The following CDH18 variants were observed in gnomAD, a reference collection of about 807,000 sequenced individuals.
The protein encoded by CDH18 is cadherin 18.
CDH18 carries 31 observed loss-of-function variants against 67.9 expected under a neutral mutation model. The observed-to-expected ratio is 0.46, with a 90% CI of 0.34 to 0.62. CDH18 has a LOEUF of 0.62. Among genes scored for constraint, CDH18 ranks in the 20% least tolerant of loss-of-function variants. The probability of loss-of-function intolerance (pLI) is 0.01; values close to 1 mark genes in which losing one functional copy is unlikely to be tolerated. For synonymous variants in CDH18, 362 were observed against 347.2 expected (o/e 1.04, Z -0.48); for missense variants, 890 against 975.5 (o/e 0.91, Z 1.17).
At chr5:19,808,524 G>A (rs1778277314) in intron 3 of CDH18, among the ~76,000 whole-genome samples, 1 of 152,022 alleles carries the variant, frequency 6.6e-6, no homozygotes, top group South Asian at 2.1e-4. Flanking sequence ...GTAAATACCT[G>A]TTGAAATACA....
intron 1 of CDH18, among the ~76,000 whole-genome samples, chr5:20,449,542 G>C (rs568349859): frequency 6.6e-6 from 1 of 151,898 alleles, no homozygotes; most frequent in East Asian, 1.9e-4. Flanking sequence ...AACTGGTCTA[G>C]GTCATGTTTT....
chr5:20,544,403 A>C (rs1036740246), intron 1 of CDH18, among the ~76,000 whole-genome samples: 3 of 152,172 alleles, frequency 2.0e-5, no homozygotes, highest in African/African-American at 4.8e-5. Flanking sequence ...TATATATCAT[A>C]TTAATCTGTT....
intron 1 of CDH18, among the ~76,000 whole-genome samples, chr5:20,275,268 T>A (rs1745722349): frequency 6.6e-6 from 1 of 151,974 alleles, no homozygotes; most frequent in Non-Finnish European, 1.5e-5. Context: ...CTTGTGATAG[T>A]GAGTGAGTTC....
Position 19,960,586 on chromosome 5 carries a change from T to TATATATACACACACAC in CDH18, c.-257+20473_-257+20474insGTGTGTGTGTATATAT, listed in dbSNP as rs1357426735. On this transcript the variant is annotated intron_variant, in intron 2 of 12. Coordinates refer to ENST00000382275, the MANE Select transcript of CDH18 (RefSeq NM_004934.5). ...ATGTGTGTGTGTGTGTGTGTGTGTG[T>TATATATACACACACAC]GTGTATATATATATATACACACACG... Among the ~76,000 whole-genome samples the TATATATACACACACAC allele has an allele frequency of 1.7e-3, 222 of 132,750 alleles. 16 individuals carry two copies. Among genetic ancestry groups the TATATATACACACACAC allele is most frequent in the African/African-American group, 7.3e-3 (212 of 29,064 alleles). The allele number at this position is 132,750 out of a possible 152,430, so 87.1% of individuals were successfully genotyped here.
intron 2 of CDH18, among the ~76,000 whole-genome samples, chr5:19,941,957 C>A (rs1794869166): frequency 6.6e-6 from 1 of 152,080 alleles, no homozygotes; most frequent in African/African-American, 2.4e-5. Context: ...CATTTCATTG[C>A]ACACTACTGT....
At chr5:19,714,781 A>T (rs781452670) in intron 5 of CDH18, among the ~76,000 whole-genome samples, 3 of 152,044 alleles carry the variant, frequency 2.0e-5, no homozygotes, top group Non-Finnish European at 2.9e-5. Flanking sequence ...TGACGGAAAC[A>T]ATATATATTG....
At chr5:19,988,746 G>C (rs958322801), upstream of CDH18, among the ~76,000 whole-genome samples, 1 of 152,108 alleles carries the variant, frequency 6.6e-6, no homozygotes, top group Non-Finnish European at 1.5e-5. Context: ...AGTCGTCACA[G>C]CCTGCTAAAC....
chr5:19,535,896 A>C (rs1749340773), intron 9 of CDH18, among the ~76,000 whole-genome samples: 1 of 152,206 alleles, frequency 6.6e-6, no homozygotes, highest in Non-Finnish European at 1.5e-5. Flanking sequence ...GAATGATTAG[A>C]GTTTCCTTTT....
At chr5:19,897,927 C>T (rs141391038) in intron 2 of CDH18, among the ~76,000 whole-genome samples, 38 of 152,146 alleles carry the variant, frequency 2.5e-4, no homozygotes, top group African/African-American at 9.1e-4. Flanking sequence ...TGATGCAATT[C>T]TGTTTCTTTA....
At chr5:20,193,356 G>A (rs994950567) in intron 2 of CDH18, among the ~76,000 whole-genome samples, 1 of 151,934 alleles carries the variant, frequency 6.6e-6, no homozygotes, top group Non-Finnish European at 1.5e-5. Context: ...CATATTCCTG[G>A]ACACATACAC....
At position 19,757,781 on chromosome 5, in the gene CDH18, G is replaced by A. The variant is rs369088547; in HGVS notation, c.229-10545C>T. Reference sequence around the variant, plus strand: ...AGACAAACCATAGGCTACAGCCCAGGAATCAGTAGATAATCACACATCTGG... The same window carrying A: ...AGACAAACCATAGGCTACAGCCCAGAAATCAGTAGATAATCACACATCTGG... On this transcript the variant is annotated intron_variant, in intron 3 of 12. Coordinates refer to ENST00000382275, the MANE Select transcript of CDH18 (RefSeq NM_004934.5). Among the ~76,000 whole-genome samples the A allele has an allele frequency of 2.3e-4, 35 of 152,276 alleles. 1 individual carries two copies. Among genetic ancestry groups the A allele is most frequent in the African/African-American group, 8.2e-4 (34 of 41,560 alleles).
intron 1 of CDH18, among the ~76,000 whole-genome samples, chr5:20,256,038 C>G (rs970174840): frequency 2.6e-5 from 4 of 151,650 alleles, no homozygotes; most frequent in African/African-American, 7.3e-5. Context: ...ATATGATTAA[C>G]AAGGGAGTAT....
intron 2 of CDH18, among the ~76,000 whole-genome samples, chr5:20,021,362 T>C (rs941774544): frequency 2.6e-5 from 4 of 152,114 alleles, no homozygotes; most frequent in African/African-American, 9.7e-5. Context: ...CTTTGCAATG[T>C]ATGAAGGACA....
intron 10 of CDH18, among the ~76,000 whole-genome samples, chr5:19,504,105 G>A (rs1042842896): frequency 1.3e-5 from 2 of 152,022 alleles, no homozygotes; most frequent in Non-Finnish European, 2.9e-5. Context: ...ATTTCTCTGC[G>A]TGTTCTGAGC....
intron 9 of CDH18, among the ~76,000 whole-genome samples, chr5:19,525,442 T>G (rs1055502293): frequency 3.9e-5 from 6 of 152,180 alleles, no homozygotes; most frequent in African/African-American, 1.2e-4. Flanking sequence ...TCATTCAGTG[T>G]CCTGTAGGAA....
chr5:19,896,662 G>A (rs6451541), intron 2 of CDH18, among the ~76,000 whole-genome samples: 74,788 of 152,054 alleles, frequency 0.49, 18,498 homozygotes, highest in Middle Eastern at 0.64. Flanking sequence ...AATTTCTAGC[G>A]TTTTAAGCCA....
chr5:19,848,929 A>C (rs1783324914), intron 2 of CDH18, among the ~76,000 whole-genome samples: 2 of 150,132 alleles, frequency 1.3e-5, no homozygotes, highest in Admixed American at 1.3e-4. Flanking sequence ...GGGCTATATT[A>C]TATATATGTG....
intron 1 of CDH18, among the ~76,000 whole-genome samples, chr5:20,386,960 CAGA>C (rs1744363414): frequency 6.6e-6 from 1 of 152,024 alleles, no homozygotes; most frequent in African/African-American, 2.4e-5. Flanking sequence ...TTTGGTATCT[CAGA>C]AGTTCTGCAC....
chr5:19,711,650 T>TAAAAA (rs3062941), intron 5 of CDH18, among the ~76,000 whole-genome samples: 119 of 115,568 alleles, frequency 1.0e-3, no homozygotes, highest in African/African-American at 4.0e-3. Context: ...TAGTATAAAG[T>TAAAAA]AAAAAAAAAA....
Sources: gnomAD v4.1 joint callset for allele counts (sites outside exome capture counted in the v4.1 genomes callset) on GRCh38, gnomAD v4.1.1 for gene constraint, MANE v1.5 for transcripts, NCBI Gene and HGNC (gene_info 2026-07-23, HGNC 2026-07-21) for gene names.